PXDNL: variants seen among roughly 807,000 people sequenced by gnomAD.
PXDNL encodes the protein peroxidasin like, also known as probable oxidoreductase PXDNL.
A neutral mutation model predicts 150.8 loss-of-function variants in PXDNL; 145 were observed. The observed-to-expected ratio is 0.96, with a 90% CI of 0.84 to 1.10. The LOEUF (loss-of-function observed/expected upper bound fraction) is 1.10, where lower values mean the gene tolerates loss of function less well. Ranked by LOEUF, PXDNL falls within the 50% of genes least tolerant of loss-of-function variation. The pLI, the probability that PXDNL is intolerant of heterozygous loss-of-function variation, is 0.00. For synonymous variants in PXDNL, 757 were observed against 725.7 expected, an observed-to-expected ratio of 1.04 and a Z score of -0.69; for missense variants, 2,087 against 1,873.9, an observed-to-expected ratio of 1.11 and a Z score of -2.10.
chr8:51,523,313 T>C (rs1004000858), intron 4 of PXDNL, among the ~76,000 whole-genome samples: 11 of 152,238 alleles, frequency 7.2e-5, no homozygotes, highest in African/African-American at 2.7e-4. Flanking sequence ...AATATGCTTT[T>C]GGTAATAACA....
At position 51,320,869 on chromosome 8, in the gene PXDNL, T is replaced by C. The variant is rs574393200; in HGVS notation, c.4175A>G (p.Gln1392Arg). 2.5e-6 allele frequency: 4 copies of C among 1,613,920 alleles called. No homozygotes were observed. The South Asian group carries it at 4.4e-5, about 18-fold the overall frequency. Residue 1392 changes from glutamine (Q) to arginine (R), a missense_variant, in exon 22 of 23, where the codon CAG (glutamine) becomes CGG (arginine). Coordinates refer to ENST00000356297, the MANE Select transcript of PXDNL (RefSeq NM_144651.5). ...CCCTCTAACATCTGTACACCCTGCC[T>C]GCCTCAGGCGTGCCTCCAGCTTGTT... ...QINKLEARLR[Q>R]AGCTDVRGVP... is the part of the protein sequence containing the mutation.
intron 5 of PXDNL, among the ~76,000 whole-genome samples, chr8:51,496,131 G>A (rs547251914): frequency 3.9e-5 from 6 of 152,006 alleles, no homozygotes; most frequent in Non-Finnish European, 8.8e-5. Flanking sequence ...TCAACATATG[G>A]AAATCAATAA....
At chr8:51,744,927 A>AG (rs1491273114) in intron 1 of PXDNL, among the ~76,000 whole-genome samples, 8 of 94,970 alleles carry the variant, frequency 8.4e-5, no homozygotes, top group African/African-American at 3.0e-4. Flanking sequence ...GGAAAGAAAG[A>AG]AAAAGAAAGA....
intron 17 of PXDNL, among the ~76,000 whole-genome samples, chr8:51,406,642 C>T (rs1461166369): frequency 2.0e-5 from 3 of 152,204 alleles, no homozygotes; most frequent in Admixed American, 6.5e-5. Flanking sequence ...TAGCCTCTTA[C>T]ACTTAAACTT....
At chr8:51,657,766 T>G (rs1186460401) in intron 1 of PXDNL, among the ~76,000 whole-genome samples, 1 of 152,244 alleles carries the variant, frequency 6.6e-6, no homozygotes, top group South Asian at 2.1e-4. Flanking sequence ...AAAAGATGCT[T>G]GAACTCATCA....
At chr8:51,728,629 A>T (rs530060232) in intron 1 of PXDNL, among the ~76,000 whole-genome samples, 1 of 152,204 alleles carries the variant, frequency 6.6e-6, no homozygotes, top group Non-Finnish European at 1.5e-5. Flanking sequence ...TGTATAGAAT[A>T]AGGAGATAAA....
chr8:51,571,230 A>T (rs1812934533), intron 3 of PXDNL, among the ~76,000 whole-genome samples: 1 of 151,876 alleles, frequency 6.6e-6, no homozygotes, highest in African/African-American at 2.4e-5. Flanking sequence ...TTCTACAACA[A>T]TCAAAGCTAA....
In PXDNL at chr8:51,346,032, A is replaced by G; in HGVS notation, c.3902-85T>C. The stretch of plus-strand genomic sequence containing the variant: ...TAGATCATTTCTTTAACAGTCAGAG[A>G]GGGCAAGAGTACCAAGAAGAAAGAG... On this transcript the variant is annotated intron_variant, in intron 19 of 22. Coordinates refer to ENST00000356297, the MANE Select transcript of PXDNL (RefSeq NM_144651.5). The G allele has an allele frequency of 3.8e-6, 3 of 799,476 alleles. No individual in the cohort carries two copies. In the South Asian group the frequency reaches 4.8e-5, roughly 13 times the overall value. The allele number at this position is 799,476 out of a possible 1,614,324, so 49.5% of individuals were successfully genotyped here.
In PXDNL at chr8:51,772,296, T is replaced by C. The variant is rs555971206; in HGVS notation, c.164+36885A>G. Among the ~76,000 whole-genome samples, 13 of 151,390 alleles carry C rather than the reference T, an allele frequency of 8.6e-5. No homozygotes were observed. The East Asian group carries it at 2.4e-3, about 28-fold the overall frequency. On this transcript the variant is annotated intron_variant, in intron 1 of 22. Transcript: ENST00000356297. The stretch of plus-strand genomic sequence containing the variant: ...GCTGCTCCGATGGGTCACACCTCCT[T>C]GCATGCCCCACTCTCTCTTTTCTGG...
chr8:51,788,508 G>A (rs1450822168), intron 1 of PXDNL, among the ~76,000 whole-genome samples: 1 of 152,204 alleles, frequency 6.6e-6, no homozygotes, highest in Non-Finnish European at 1.5e-5. Context: ...AGATAAAGAT[G>A]TATTTGCACT....
chr8:51,495,599 T>C (rs999941802), intron 5 of PXDNL, among the ~76,000 whole-genome samples: 1 of 151,936 alleles, frequency 6.6e-6, no homozygotes, highest in Non-Finnish European at 1.5e-5. Flanking sequence ...AAAGGGGATA[T>C]CACCACCGAT....
intron 4 of PXDNL, among the ~76,000 whole-genome samples, chr8:51,540,910 G>C (rs1812200682): frequency 6.6e-6 from 1 of 151,638 alleles, no homozygotes; most frequent in Non-Finnish European, 1.5e-5. Flanking sequence ...CTGGATGATG[G>C]AAACTGTGAT....
intron 1 of PXDNL, among the ~76,000 whole-genome samples, chr8:51,701,977 T>A (rs1198965839): frequency 6.6e-6 from 1 of 152,220 alleles, no homozygotes; most frequent in Non-Finnish European, 1.5e-5. Flanking sequence ...TCAACTTATT[T>A]TTTGTTACAA....
At chr8:51,321,298 ATATT>A (rs1805306571) in intron 21 of PXDNL, among the ~76,000 whole-genome samples, 1 of 152,214 alleles carries the variant, frequency 6.6e-6, no homozygotes, top group Admixed American at 6.5e-5. Flanking sequence ...TATTTAACAA[ATATT>A]TATTAAGTTT....
chr8:51,505,861 T>C (rs897207448), intron 4 of PXDNL, among the ~76,000 whole-genome samples: 10 of 152,244 alleles, frequency 6.6e-5, no homozygotes, highest in African/African-American at 9.6e-5. Flanking sequence ...ACAAACTTTC[T>C]GTATAATAAT....
At chr8:51,660,315 C>T (rs968116742) in intron 1 of PXDNL, among the ~76,000 whole-genome samples, 1 of 152,182 alleles carries the variant, frequency 6.6e-6, no homozygotes, top group Admixed American at 6.5e-5. Context: ...GTCGTTAAGA[C>T]ATAAAATCAA....
In PXDNL at chr8:51,533,837, A is replaced by G. The variant is rs1043569339; in HGVS notation, c.380+23003T>C. On this transcript the variant is annotated intron_variant, in intron 4 of 22. Coordinates refer to ENST00000356297, the MANE Select transcript of PXDNL (RefSeq NM_144651.5). Reference sequence around the variant, plus strand: ...AGTGGCGTGATCTCGGCTCGCTACAACCTCCACCTCCCAGCCGCCTGCCTT... The same window carrying G: ...AGTGGCGTGATCTCGGCTCGCTACAGCCTCCACCTCCCAGCCGCCTGCCTT... 2.7e-5 allele frequency among the ~76,000 whole-genome samples: 4 copies of G among 148,706 alleles called. 1 individual carries two copies. Among genetic ancestry groups the G allele is most frequent in the African/African-American group, 1.0e-4 (4 of 39,592 alleles).
chr8:51,381,290 A>G (rs868767800), intron 17 of PXDNL, among the ~76,000 whole-genome samples: 2 of 152,102 alleles, frequency 1.3e-5, no homozygotes, highest in Non-Finnish European at 2.9e-5. Context: ...TTTCCCACTT[A>G]GGTCTTCTAG....
chr8:51,339,528 C>T, intron 21 of PXDNL, 96 bp downstream of exon 21: 2 of 1,227,732 alleles, frequency 1.6e-6, no homozygotes, highest in East Asian at 2.4e-5. Flanking sequence ...TATTCTGATA[C>T]TGTGCTGTAA....
Sources: allele counts gnomAD v4.1 joint callset (sites outside exome capture counted in the v4.1 genomes callset), GRCh38; gene constraint gnomAD v4.1.1; transcripts MANE v1.5; gene names NCBI Gene and HGNC (gene_info 2026-07-23, HGNC 2026-07-21).